PRIM2: variants seen among roughly 807,000 people sequenced by gnomAD.
PRIM2 encodes DNA primase large subunit.
A neutral mutation model predicts 67.3 loss-of-function variants in PRIM2; 39 were observed. The ratio of observed to expected loss-of-function variants is 0.58; its 90% CI spans 0.45 to 0.76. The LOEUF is 0.76. PRIM2 is among the 30% of genes least tolerant of loss of function. The probability of loss-of-function intolerance (pLI) is 0.00; values close to 1 mark genes in which losing one functional copy is unlikely to be tolerated. For missense variants in PRIM2, 398 were observed against 598.7 expected, an observed-to-expected ratio of 0.66 and a Z score of 3.50; for synonymous variants, 143 against 198.7, an observed-to-expected ratio of 0.72 and a Z score of 2.36.
intron 7 of PRIM2, among the ~76,000 whole-genome samples, chr6:57,494,379 C>G (rs1773961038): frequency 6.6e-6 from 1 of 152,122 alleles, no homozygotes; most frequent in African/African-American, 2.4e-5. Context: ...AGCATCTTTT[C>G]TTTACCGTAG....
chr6:57,236,703 A>T, the PRIM2 span, among the ~76,000 whole-genome samples: 1 of 152,042 alleles, frequency 6.6e-6, no homozygotes, highest in African/African-American at 2.4e-5. Flanking sequence ...GCTGAGAATG[A>T]TGGTTTCCAG....
chr6:57,222,435 G>T, the PRIM2 span: 1 of 152,338 alleles, frequency 6.6e-6, no homozygotes, highest in Non-Finnish European at 1.5e-5. Flanking sequence ...GCAGTGGGGA[G>T]ATCAGAGACG....
intron 7 of PRIM2, among the ~76,000 whole-genome samples, chr6:57,412,052 A>G (rs1771105457): frequency 6.6e-6 from 1 of 150,662 alleles, no homozygotes; most frequent in Admixed American, 6.6e-5. Flanking sequence ...GAACATAGGG[A>G]AAAAGCTCTG....
intron 7 of PRIM2, among the ~76,000 whole-genome samples, chr6:57,489,004 C>T (rs1355763494): frequency 6.6e-6 from 1 of 152,192 alleles, no homozygotes; most frequent in Non-Finnish European, 1.5e-5. Flanking sequence ...ATATGCGCAG[C>T]ACAACTTGTG....
At chr6:57,294,221 T>C in the PRIM2 span, among the ~76,000 whole-genome samples, 1 of 152,192 alleles carries the variant, frequency 6.6e-6, no homozygotes, top group African/African-American at 2.4e-5. Context: ...GGCTCATGCC[T>C]GTATTCTCAG....
the PRIM2 span, among the ~76,000 whole-genome samples, chr6:57,294,691 T>A: frequency 1.3e-5 from 2 of 151,832 alleles, no homozygotes; most frequent in Non-Finnish European, 2.9e-5. Context: ...TACATACACA[T>A]ATAAATATAC....
At chr6:57,539,579 T>TGTGC (rs1234301833) in intron 10 of PRIM2, among the ~76,000 whole-genome samples, 1 of 151,636 alleles carries the variant, frequency 6.6e-6, no homozygotes, top group African/African-American at 2.4e-5. Flanking sequence ...TGTGTGTGTG[T>TGTGC]GTGTGTGTCA....
At chr6:57,602,299 C>T (rs1776485342) in intron 11 of PRIM2, among the ~76,000 whole-genome samples, 1 of 152,120 alleles carries the variant, frequency 6.6e-6, no homozygotes, top group African/African-American at 2.4e-5. Context: ...GATCTGCTCG[C>T]CTTGGCCTCC....
At chr6:57,481,667 AG>A (rs1773632628) in intron 7 of PRIM2, among the ~76,000 whole-genome samples, 1 of 152,160 alleles carries the variant, frequency 6.6e-6, no homozygotes, top group Non-Finnish European at 1.5e-5. Flanking sequence ...CCATTTTTAA[AG>A]AAACTGCCAA....
At chr6:57,476,950 A>G (rs1203235038) in intron 7 of PRIM2, among the ~76,000 whole-genome samples, 13 of 152,110 alleles carry the variant, frequency 8.5e-5, no homozygotes, top group African/African-American at 3.1e-4. Flanking sequence ...AAACTGTAAG[A>G]AACCAAAAAC....
intron 12 of PRIM2, among the ~76,000 whole-genome samples, chr6:57,619,766 A>G (rs1349161704): frequency 2.0e-5 from 3 of 152,218 alleles, no homozygotes; most frequent in African/African-American, 7.2e-5. Flanking sequence ...GAAGTTTGGG[A>G]TTATGTTAAA....
intron 5 of PRIM2, 84 bp downstream of exon 5, chr6:57,326,129 T>C (rs918878402): frequency 6.8e-7 from 1 of 1,465,064 alleles, no homozygotes; most frequent in Admixed American, 2.2e-5. Flanking sequence ...TAATGTGTAG[T>C]GTGTTCTCTT....
chr6:57,341,199 A>G (rs76951719), intron 5 of PRIM2, among the ~76,000 whole-genome samples: 1 of 151,912 alleles, frequency 6.6e-6, no homozygotes, highest in Non-Finnish European at 1.5e-5. Flanking sequence ...GACTATTTTG[A>G]TTTTTCTAGT....
At chr6:57,496,557 T>C (rs1325846675) in intron 7 of PRIM2, among the ~76,000 whole-genome samples, 5 of 152,324 alleles carry the variant, frequency 3.3e-5, no homozygotes, top group East Asian at 1.9e-4. Context: ...TAAAAAGATT[T>C]TGTGCAAGAT....
intron 12 of PRIM2, 120 bp downstream of exon 12, chr6:57,606,577 T>G (rs1368710880): frequency 1.6e-6 from 1 of 610,486 alleles, no homozygotes; most frequent in Non-Finnish European, 2.9e-6. Flanking sequence ...ACCAGACATC[T>G]TATCTTCAAG....
intron 5 of PRIM2, among the ~76,000 whole-genome samples, chr6:57,366,627 G>A (rs997940672): frequency 6.6e-6 from 1 of 152,194 alleles, no homozygotes; most frequent in Non-Finnish European, 1.5e-5. Context: ...TGGCAAGAAA[G>A]TGGATGTTGT....
intron 5 of PRIM2, among the ~76,000 whole-genome samples, chr6:57,341,318 T>A (rs1768480968): frequency 6.6e-6 from 1 of 152,188 alleles, no homozygotes; most frequent in Non-Finnish European, 1.5e-5. Context: ...TGCCTTATGT[T>A]TTTGAAATAT....
At chr6:57,366,035 G>A (rs1424537141) in intron 5 of PRIM2, among the ~76,000 whole-genome samples, 1 of 151,694 alleles carries the variant, frequency 6.6e-6, no homozygotes, top group African/African-American at 2.4e-5. Context: ...TGTTAGTGAG[G>A]GAGATATAAA....
At chr6:57,329,625 C>T (rs111583900) in intron 5 of PRIM2, among the ~76,000 whole-genome samples, 19,306 of 151,928 alleles carry the variant, frequency 0.13, 1,386 homozygotes, top group African/African-American at 0.18. Flanking sequence ...AAGGGGCCTC[C>T]CCCTTTGCTT....
Sources: allele counts gnomAD v4.1 joint callset (sites outside exome capture counted in the v4.1 genomes callset), GRCh38; gene constraint gnomAD v4.1.1; transcripts MANE v1.5; gene names NCBI Gene and HGNC (gene_info 2026-07-23, HGNC 2026-07-21).